The following TRAPPC8 variants were observed in gnomAD, a reference collection of about 807,000 sequenced individuals.
TRAPPC8 encodes the protein trafficking protein particle complex subunit 8.
Under a neutral mutation model 174.3 loss-of-function variants are expected in TRAPPC8, and 54 were observed. The ratio of observed to expected loss-of-function variants is 0.31; its 90% CI spans 0.25 to 0.39. The LOEUF (loss-of-function observed/expected upper bound fraction) is 0.39. TRAPPC8 is among the 10% of genes least tolerant of loss of function. The pLI, the probability that TRAPPC8 is intolerant of heterozygous loss-of-function variation, is 1.00. For missense variants in TRAPPC8, 1,531 were observed against 1,699.1 expected, an observed-to-expected ratio of 0.90 and a Z score of 1.74; for synonymous variants, 630 against 579.9, an observed-to-expected ratio of 1.09 and a Z score of -1.24.
chr18:31,901,834 G>A (rs907471053), intron 9 of TRAPPC8, among the ~76,000 whole-genome samples: 1 of 152,226 alleles, frequency 6.6e-6, no homozygotes, highest in African/African-American at 2.4e-5. Context: ...TTGTGTGGCA[G>A]TGTGAGTGGG....
intron 19 of TRAPPC8, among the ~76,000 whole-genome samples, chr18:31,860,879 A>G (rs1049109548): frequency 6.6e-6 from 1 of 152,216 alleles, no homozygotes; most frequent in Non-Finnish European, 1.5e-5. Flanking sequence ...ACTTGTTCAC[A>G]TAAATTAAGT....
intron 4 of TRAPPC8, among the ~76,000 whole-genome samples, chr18:31,914,611 G>C (rs1327504554): frequency 6.6e-6 from 1 of 152,156 alleles, no homozygotes. Context: ...AACTGGATCT[G>C]CAGAGGAAAA....
intron 12 of TRAPPC8, among the ~76,000 whole-genome samples, chr18:31,878,964 T>C (rs2035292793): frequency 6.6e-6 from 1 of 152,048 alleles, no homozygotes; most frequent in Admixed American, 6.6e-5. Flanking sequence ...TACCAGAGCA[T>C]CCAAATTTAT....
intron 18 of TRAPPC8, 101 bp downstream of exon 18, chr18:31,866,748 T>C (rs1159289921): frequency 7.5e-7 from 1 of 1,338,388 alleles, no homozygotes. Context: ...TACTTAACGA[T>C]ACATTAAACC....
chr18:31,941,062 T>C (rs1184158556), intron 1 of TRAPPC8, among the ~76,000 whole-genome samples: 2 of 152,184 alleles, frequency 1.3e-5, no homozygotes, highest in Non-Finnish European at 2.9e-5. Flanking sequence ...AAAGCAAGTA[T>C]CAGGTATTAG....
rs1453203741 is a variant in TRAPPC8, at chr18:31,909,016, G to GA, written c.866-7dup. On this transcript the variant is annotated splice_polypyrimidine_tract_variant and splice_region_variant and intron_variant, in intron 6 of 28. Coordinates refer to ENST00000283351, the MANE Select transcript of TRAPPC8 (RefSeq NM_014939.5). ...AAAGTTATTTGGTAAGCCATCTACT[G>GA]AAAAAGAGATTATTTCTTTTACTCT... is the stretch of plus-strand genomic sequence containing the variant. 1 of 1,577,738 alleles carries GA rather than the reference G, an allele frequency of 6.3e-7. No individual in the cohort carries two copies. The highest frequency in any genetic ancestry group is 1.1e-5 in the South Asian group (1 of 87,024).
chr18:31,913,486 A>G lies in TRAPPC8; in HGVS notation c.654T>C (p.Tyr218=). The part of the protein sequence containing the change: ...ESIYEEMKQK[Y]GTQGCYLLKI... ...TAAGTAAATAGCAACCCTGAGTTCC[A>G]TATTTCTGTTTCATTTCTTCATAAA... The change falls in exon 5 of 29, where the codon TAT becomes TAC. Residue 218 remains tyrosine, a synonymous_variant. Transcript: ENST00000283351. The G allele has an allele frequency of 6.2e-7, 1 of 1,602,730 alleles. No individual in the cohort carries two copies. The highest frequency in any genetic ancestry group is 1.8e-5 in the Admixed American group (1 of 56,926).
chr18:31,839,272 G>A (rs2032948358), intron 27 of TRAPPC8, 40 bp downstream of exon 27: 1 of 1,573,852 alleles, frequency 6.4e-7, no homozygotes, highest in Admixed American at 1.9e-5. Context: ...ACGTGCCAGT[G>A]TGTTGTAGAA....
At chr18:31,920,503 T>C (rs1193257981) in intron 2 of TRAPPC8, among the ~76,000 whole-genome samples, 1 of 152,082 alleles carries the variant, frequency 6.6e-6, no homozygotes, top group Non-Finnish European at 1.5e-5. Context: ...TGTTCATTCT[T>C]ATAAAAGAGG....
intron 25 of TRAPPC8, among the ~76,000 whole-genome samples, chr18:31,848,831 G>T (rs1476332354): frequency 6.6e-6 from 1 of 152,044 alleles, no homozygotes; most frequent in African/African-American, 2.4e-5. Flanking sequence ...GATACAAAAG[G>T]GTGTAACGTA....
chr18:31,837,522 A>G (rs2032821704), intron 27 of TRAPPC8, among the ~76,000 whole-genome samples: 1 of 152,060 alleles, frequency 6.6e-6, no homozygotes, highest in South Asian at 2.1e-4. Context: ...GTGAAACCGC[A>G]TCTCTACTAA....
chr18:31,868,587 C>T (rs187741098), intron 16 of TRAPPC8, among the ~76,000 whole-genome samples: 75 of 152,176 alleles, frequency 4.9e-4, no homozygotes, highest in African/African-American at 1.7e-3. Flanking sequence ...AGAATACAGC[C>T]TGGGAAATCT....
At position 31,916,687 on chromosome 18, in the gene TRAPPC8, T is replaced by C. The variant is rs113097917; in HGVS notation, c.443-241A>G. ...AGCTGGGATTATAGGCGCAAGCCAC[T>C]GCACCCAGCTAATTTTTTATATTTT... On this transcript the variant is annotated intron_variant, in intron 3 of 28. Coordinates refer to ENST00000283351, the MANE Select transcript of TRAPPC8 (RefSeq NM_014939.5). 5.9e-3 allele frequency among the ~76,000 whole-genome samples: 892 copies of C among 152,160 alleles called. 7 individuals carry two copies. The highest frequency in any genetic ancestry group is 0.02 in the African/African-American group (842 of 41,518).
At chr18:31,849,469 A>T (rs1255452248) in intron 25 of TRAPPC8, 97 bp downstream of exon 25, 17 of 1,076,562 alleles carry the variant, frequency 1.6e-5, no homozygotes, top group Non-Finnish European at 2.0e-5. Flanking sequence ...TAGAAAAGAT[A>T]AGCATAAAAA....
At chr18:31,920,770 G>GA (rs2037350368) in intron 2 of TRAPPC8, among the ~76,000 whole-genome samples, 1 of 151,794 alleles carries the variant, frequency 6.6e-6, no homozygotes, top group Non-Finnish European at 1.5e-5. Flanking sequence ...GTAGAACGCT[G>GA]TCTCTACTAA....
chr18:31,903,258 C>T (rs961007856), intron 9 of TRAPPC8, among the ~76,000 whole-genome samples: 1 of 151,892 alleles, frequency 6.6e-6, no homozygotes, highest in African/African-American at 2.4e-5. Flanking sequence ...GCAGAGGCTA[C>T]GACAAGAATG....
intron 6 of TRAPPC8, among the ~76,000 whole-genome samples, chr18:31,909,261 C>T (rs2036805171): frequency 6.6e-6 from 1 of 151,746 alleles, no homozygotes. Flanking sequence ...GAGAAAAATA[C>T]TTTATTTTAA....
At chr18:31,880,234 C>A (rs1211942136) in intron 12 of TRAPPC8, among the ~76,000 whole-genome samples, 1 of 149,864 alleles carries the variant, frequency 6.7e-6, no homozygotes, top group Non-Finnish European at 1.5e-5. Flanking sequence ...ATGATGAACA[C>A]AGATGCAAAA....
intron 19 of TRAPPC8, among the ~76,000 whole-genome samples, chr18:31,859,645 C>G (rs964920324): frequency 2.6e-5 from 4 of 152,138 alleles, no homozygotes; most frequent in Non-Finnish European, 5.9e-5. Flanking sequence ...TGATAGAACA[C>G]ATAAAAGACT....
Sources: gnomAD v4.1 joint callset for allele counts (sites outside exome capture counted in the v4.1 genomes callset) on GRCh38, gnomAD v4.1.1 for gene constraint, MANE v1.5 for transcripts, NCBI Gene and HGNC (gene_info 2026-07-23, HGNC 2026-07-21) for gene names.